The following NTRK2 variants were observed in gnomAD, a reference collection of about 807,000 sequenced individuals.
NTRK2 encodes the protein BDNF/NT-3 growth factors receptor.
Under a neutral mutation model 94.5 loss-of-function variants are expected in NTRK2, and 13 were observed. The ratio of observed to expected loss-of-function variants is 0.14; its 90% CI spans 0.09 to 0.22. The LOEUF (loss-of-function observed/expected upper bound fraction) is 0.22, where lower values mean the gene tolerates loss of function less well. Ranked by LOEUF, NTRK2 falls within the 10% of genes least tolerant of loss-of-function variation. The pLI is 1.00. For synonymous variants in NTRK2, 372 were observed against 407.4 expected (o/e 0.91, Z 1.05); for missense variants, 639 against 1,071.2 (o/e 0.60, Z 5.63).
intron 2 of NTRK2, among the ~76,000 whole-genome samples, chr9:84,681,325 A>G (rs2059377025): frequency 6.6e-6 from 1 of 152,200 alleles, no homozygotes; most frequent in Non-Finnish European, 1.5e-5. Flanking sequence ...AATACAAGCC[A>G]CAAACCGTGA....
chr9:84,701,094 G>C (rs1187603351), intron 2 of NTRK2, among the ~76,000 whole-genome samples: 1 of 152,198 alleles, frequency 6.6e-6, no homozygotes, highest in South Asian at 2.1e-4. Context: ...GTAGAGTATA[G>C]GAAATTCCAT....
intron 14 of NTRK2, among the ~76,000 whole-genome samples, chr9:84,880,637 T>A (rs964140061): frequency 2.0e-5 from 3 of 152,204 alleles, no homozygotes; most frequent in African/African-American, 7.2e-5. Context: ...CTTCATAAAG[T>A]CAGGAGATAT....
intron 17 of NTRK2, among the ~76,000 whole-genome samples, chr9:85,015,153 A>G (rs909824277): frequency 2.6e-5 from 4 of 152,174 alleles, no homozygotes; most frequent in Non-Finnish European, 5.9e-5. Flanking sequence ...ACTAGTAACT[A>G]TCTTTAGAAA....
Position 85,022,598 on chromosome 9 carries a change from A to C in NTRK2, c.*1161A>C, listed in dbSNP as rs1832836446. On this transcript the variant is annotated 3_prime_UTR_variant, in exon 19 of 19. Transcript: ENST00000277120. ...CCTCCGACCCCTAACTTCCATGCCC[A>C]CCCGTCCTTTTAACTGTGCAAGCAA... 4.3e-6 allele frequency: 1 copy of C among 233,074 alleles called. No individual in the cohort carries two copies. The highest frequency in any genetic ancestry group is 8.5e-6 in the Non-Finnish European group (1 of 118,030). The allele number at this position is 233,074 out of a possible 1,614,324, so 14.4% of individuals were successfully genotyped here.
intron 17 of NTRK2, among the ~76,000 whole-genome samples, chr9:84,972,764 G>A (rs1826332715): frequency 6.6e-6 from 1 of 152,026 alleles, no homozygotes; most frequent in Non-Finnish European, 1.5e-5. Flanking sequence ...TTTAGATAAG[G>A]CCTAAAGATC....
intron 6 of NTRK2, among the ~76,000 whole-genome samples, chr9:84,719,374 A>G (rs537175838): frequency 6.6e-6 from 1 of 152,342 alleles, no homozygotes; most frequent in South Asian, 2.1e-4. Flanking sequence ...TGATAATATT[A>G]GTATCACTAT....
intron 11 of NTRK2, among the ~76,000 whole-genome samples, chr9:84,749,469 G>C (rs966703806): frequency 6.6e-6 from 1 of 152,158 alleles, no homozygotes; most frequent in Non-Finnish European, 1.5e-5. Flanking sequence ...TCAACCACAT[G>C]CTTTGCAGAG....
chr9:84,803,813 A>AC (rs2070784077), intron 12 of NTRK2, among the ~76,000 whole-genome samples: 1 of 152,188 alleles, frequency 6.6e-6, no homozygotes, highest in African/African-American at 2.4e-5. Context: ...CGCATTCCGG[A>AC]ATACTTGCTG....
intron 14 of NTRK2, chr9:84,873,036 A>C: frequency 9.4e-7 from 1 of 1,063,478 alleles, no homozygotes. Flanking sequence ...AATTACATCC[A>C]GGACCCCAGA....
At chr9:84,807,626 G>A (rs1410835183) in intron 12 of NTRK2, among the ~76,000 whole-genome samples, 1 of 152,142 alleles carries the variant, frequency 6.6e-6, no homozygotes, top group African/African-American at 2.4e-5. Flanking sequence ...TAGACAGCTC[G>A]TTTGGCTGCT....
chr9:84,741,850 A>C (rs766742344), intron 9 of NTRK2, 42 bp from the exon 10 acceptor site: 5 of 1,593,038 alleles, frequency 3.1e-6, no homozygotes, highest in Admixed American at 3.3e-5. Flanking sequence ...TTTTGACTCC[A>C]AAATGCATAC....
intron 6 of NTRK2, among the ~76,000 whole-genome samples, chr9:84,721,505 T>C (rs1296464829): frequency 3.3e-5 from 5 of 152,270 alleles, no homozygotes; most frequent in East Asian, 3.9e-4. Context: ...TATGTCTCCA[T>C]TGAGACAATT....
chr9:84,898,278 C>T (rs1313135971), intron 14 of NTRK2, among the ~76,000 whole-genome samples: 1 of 152,108 alleles, frequency 6.6e-6, no homozygotes, highest in African/African-American at 2.4e-5. Flanking sequence ...GAAGTCAACT[C>T]CAGTTTACTA....
At chr9:84,977,068 C>T (rs1375866869) in intron 17 of NTRK2, among the ~76,000 whole-genome samples, 3 of 152,218 alleles carry the variant, frequency 2.0e-5, no homozygotes, top group African/African-American at 7.2e-5. Context: ...AATACTGAAT[C>T]ACTGCTCCAA....
intron 9 of NTRK2, among the ~76,000 whole-genome samples, chr9:84,730,915 T>G (rs80291124): frequency 0.021 from 3,130 of 151,990 alleles, 91 homozygotes; most frequent in African/African-American, 0.064. Flanking sequence ...ATGAAGAAGT[T>G]TAGCTCTCAC....
chr9:84,806,593 T>A (rs909932799), intron 12 of NTRK2, among the ~76,000 whole-genome samples: 2 of 152,152 alleles, frequency 1.3e-5, no homozygotes, highest in African/African-American at 4.8e-5. Flanking sequence ...AGATTTCAGC[T>A]CTCTCATTCA....
Position 84,861,082 on chromosome 9 carries a change from G to A in NTRK2, c.1439G>A (p.Gly480Asp), listed in dbSNP as rs2075316738. ...TTTGGGAAAGTAAAATCAAGACAAGGTGTTGGTAAGTAGTTAACTCACTCC... is the reference window on the plus strand; with the variant it reads ...TTTGGGAAAGTAAAATCAAGACAAGATGTTGGTAAGTAGTTAACTCACTCC... ...FGFGKVKSRQGVGPASVISND... is the reference protein window; with the variant it reads ...FGFGKVKSRQDVGPASVISND... The change falls in exon 13 of 19, where the codon GGT (glycine) becomes GAT (aspartate). Residue 480 changes from glycine to aspartate, a missense_variant. This residue lies in a region of NTRK2 where 343 missense variants were observed against 571.5 expected (regional missense o/e 0.60). Coordinates refer to ENST00000277120, the MANE Select transcript of NTRK2 (RefSeq NM_006180.6). 1 of 1,611,978 alleles carries A rather than the reference G, an allele frequency of 6.2e-7. No individual in the cohort carries two copies. The highest frequency in any genetic ancestry group is 8.5e-7 in the Non-Finnish European group (1 of 1,178,440).
At chr9:84,834,240 A>T (rs1409014123) in intron 12 of NTRK2, among the ~76,000 whole-genome samples, 2 of 152,240 alleles carry the variant, frequency 1.3e-5, no homozygotes, top group African/African-American at 4.8e-5. Context: ...TAGTATAATT[A>T]TGTTTCATGC....
intron 17 of NTRK2, among the ~76,000 whole-genome samples, chr9:85,016,192 ACT>A (rs1832206613): frequency 6.6e-6 from 1 of 152,088 alleles, no homozygotes; most frequent in Non-Finnish European, 1.5e-5. Context: ...GGCTGCCCTA[ACT>A]CTTCACATTT....
Sources: gnomAD v4.1 joint callset for allele counts (sites outside exome capture counted in the v4.1 genomes callset) on GRCh38, gnomAD v4.1.1 for gene constraint, gnomAD v4.1.1 regional missense constraint, MANE v1.5 for transcripts, NCBI Gene and HGNC (gene_info 2026-07-23, HGNC 2026-07-21) for gene names.